The following TPD52L1 variants were observed in gnomAD, a reference collection of about 807,000 sequenced individuals.
The protein encoded by TPD52L1 is tumor protein D53.
In TPD52L1, 18 loss-of-function variants were observed where a neutral mutation model predicts 28.7. The observed-to-expected ratio is 0.63, with a 90% confidence interval of 0.43 to 0.93. The LOEUF (loss-of-function observed/expected upper bound fraction) is 0.93. Ranked by LOEUF, TPD52L1 falls within the 40% of genes least tolerant of loss-of-function variation. TPD52L1 has a pLI of 0.00. For synonymous variants in TPD52L1, 75 were observed against 88.8 expected, an observed-to-expected ratio of 0.84 and a Z score of 0.88; for missense variants, 203 against 254.8, an observed-to-expected ratio of 0.80 and a Z score of 1.39.
intron 1 of TPD52L1, among the ~76,000 whole-genome samples, chr6:125,200,295 G>T (rs1342486509): frequency 6.6e-6 from 1 of 152,066 alleles, no homozygotes; most frequent in African/African-American, 2.4e-5. Flanking sequence ...GTCTATAATT[G>T]CACTAGCCAC....
intron 1 of TPD52L1, among the ~76,000 whole-genome samples, chr6:125,213,650 ATCCTAT>A (rs1794663136): frequency 1.3e-5 from 2 of 152,236 alleles, no homozygotes; most frequent in African/African-American, 4.8e-5. Flanking sequence ...GAAGTTCTGA[ATCCTAT>A]CCATGGTTAA....
chr6:125,214,452 C>T (rs1398932482), intron 1 of TPD52L1: 10 of 984,464 alleles, frequency 1.0e-5, no homozygotes, highest in Non-Finnish European at 1.2e-5. Flanking sequence ...GCCAGAGGCA[C>T]ATACCTCCTC....
At chr6:125,218,333 A>G (rs1795014877) in intron 1 of TPD52L1, among the ~76,000 whole-genome samples, 1 of 152,204 alleles carries the variant, frequency 6.6e-6, no homozygotes, top group African/African-American at 2.4e-5. Flanking sequence ...AGCATCAGTG[A>G]AGTCAAGCAT....
intron 5 of TPD52L1, chr6:125,253,998 A>G: frequency 1.4e-6 from 1 of 700,602 alleles, no homozygotes; most frequent in Non-Finnish European, 2.6e-6. Context: ...CAATTCTTTT[A>G]TCCATATATT....
chr6:125,200,065 C>T (rs1026668264), intron 1 of TPD52L1, among the ~76,000 whole-genome samples: 2 of 152,184 alleles, frequency 1.3e-5, no homozygotes, highest in Non-Finnish European at 2.9e-5. Flanking sequence ...TTTTCAAAGC[C>T]ACTGATTATT....
At chr6:125,197,179 C>G (rs1462997127) in intron 1 of TPD52L1, among the ~76,000 whole-genome samples, 1 of 152,194 alleles carries the variant, frequency 6.6e-6, no homozygotes, top group Admixed American at 6.5e-5. Flanking sequence ...TGTCCTTTCT[C>G]TTTGAATAAG....
At chr6:125,163,804 C>T (rs1283099204) in intron 1 of TPD52L1, among the ~76,000 whole-genome samples, 2 of 150,478 alleles carry the variant, frequency 1.3e-5, no homozygotes, top group Non-Finnish European at 3.0e-5. Flanking sequence ...GTAATCCCAG[C>T]TACTTGGGAG....
At chr6:125,154,610 G>C (rs1789992965) in intron 1 of TPD52L1, 4 of 866,818 alleles carry the variant, frequency 4.6e-6, no homozygotes, top group Non-Finnish European at 5.5e-6. Flanking sequence ...CCAGCTCCCT[G>C]CTCCCGGGGC....
rs554001961 is a variant in TPD52L1 at position 125,168,663 on chromosome 6, G to A, written c.19+14693G>A. On this transcript the variant is annotated intron_variant, in intron 1 of 6. Transcript: ENST00000534000. Reference sequence around the variant, plus strand: ...CTCCCAAGTAGCTGGGACTACAGGCGCCCGCCACCACGCCCAGCTAATTTT... The same window carrying A: ...CTCCCAAGTAGCTGGGACTACAGGCACCCGCCACCACGCCCAGCTAATTTT... Among the ~76,000 whole-genome samples, 269 of 151,960 alleles carry A rather than the reference G, an allele frequency of 1.8e-3. 1 individual carries two copies. Among genetic ancestry groups the A allele is most frequent in the African/African-American group, 6.1e-3 (251 of 41,448 alleles).
intron 5 of TPD52L1, among the ~76,000 whole-genome samples, chr6:125,256,034 C>T (rs2115057349): frequency 6.6e-6 from 1 of 152,222 alleles, no homozygotes; most frequent in Non-Finnish European, 1.5e-5. Context: ...TTATTTAATA[C>T]AATGAATGAG....
At chr6:125,191,198 T>C (rs1793016553) in intron 1 of TPD52L1, among the ~76,000 whole-genome samples, 1 of 152,240 alleles carries the variant, frequency 6.6e-6, no homozygotes, top group Admixed American at 6.5e-5. Context: ...CGTTGTTGTT[T>C]ATTTTGTTCC....
At chr6:125,259,566 C>A (rs551555815) in intron 6 of TPD52L1, among the ~76,000 whole-genome samples, 2 of 152,204 alleles carry the variant, frequency 1.3e-5, no homozygotes. Flanking sequence ...TCCTGTGAAG[C>A]CACTTTTGGT....
chr6:125,154,277 G>A, intron 1 of TPD52L1: 2 of 1,204,454 alleles, frequency 1.7e-6, no homozygotes, highest in Non-Finnish European at 2.1e-6. Flanking sequence ...CCTCGCGGCT[G>A]CCCGAAGGAC....
intron 1 of TPD52L1, among the ~76,000 whole-genome samples, chr6:125,179,988 G>A (rs968957229): frequency 6.6e-6 from 1 of 152,140 alleles, no homozygotes; most frequent in African/African-American, 2.4e-5. Context: ...ACTTCAACTA[G>A]AAAACTTACT....
intron 1 of TPD52L1, chr6:125,214,542 A>G (rs971227518): frequency 5.7e-6 from 4 of 705,668 alleles, no homozygotes; most frequent in Non-Finnish European, 7.0e-6. Context: ...TGCTATGCCA[A>G]GAGAGAAATA....
intron 6 of TPD52L1, chr6:125,260,968 GAAA>G (rs1797934423): frequency 9.0e-5 from 4 of 44,594 alleles, no homozygotes; most frequent in East Asian, 6.5e-4. Context: ...AAGAAAGAAA[GAAA>G]GAAAGAAAAG....
rs115903875 is a variant in TPD52L1 at position 125,206,827 on chromosome 6, A to G, written c.20-13251A>G. On this transcript the variant is annotated intron_variant, in intron 1 of 6. Transcript: ENST00000534000. ...GTGGAGAAAGAGAATACAAGCAGGA[A>G]GATGAAATTTGGCTAAGACTTCAGT... Among the ~76,000 whole-genome samples the G allele has an allele frequency of 4.9e-3, 744 of 152,180 alleles. 5 individuals are homozygous for G. The highest frequency in any genetic ancestry group is 0.017 in the African/African-American group (698 of 41,518).
chr6:125,173,602 G>A (rs1003054257), intron 1 of TPD52L1, among the ~76,000 whole-genome samples: 67 of 152,178 alleles, frequency 4.4e-4, no homozygotes, highest in Middle Eastern at 6.8e-3. Context: ...TGCCCAGCTC[G>A]TTCTTAAGAA....
intron 1 of TPD52L1, among the ~76,000 whole-genome samples, chr6:125,172,169 C>CT (rs1437228653): frequency 4.5e-4 from 44 of 96,926 alleles, no homozygotes; most frequent in Non-Finnish European, 7.0e-4. Context: ...TTCTTTCTTT[C>CT]TTTCTTTCTT....
Sources: gnomAD v4.1 joint callset for allele counts (sites outside exome capture counted in the v4.1 genomes callset) on GRCh38, gnomAD v4.1.1 for gene constraint, MANE v1.5 for transcripts, NCBI Gene and HGNC (gene_info 2026-07-23, HGNC 2026-07-21) for gene names.